The following TRIP12 variants were observed in gnomAD, a reference collection of about 807,000 sequenced individuals.
The protein encoded by TRIP12 is thyroid hormone receptor interactor 12, also known as E3 ubiquitin-protein ligase TRIP12.
Under a neutral mutation model 244.2 loss-of-function variants are expected in TRIP12, and 25 were observed. The ratio of observed to expected loss-of-function variants is 0.10; its 90% CI spans 0.07 to 0.14. The LOEUF (loss-of-function observed/expected upper bound fraction) is 0.14, where lower values mean the gene tolerates loss of function less well. Ranked by LOEUF, TRIP12 falls within the 10% of genes least tolerant of loss-of-function variation. The pLI is 1.00. For missense variants in TRIP12, 1,677 were observed against 2,486.4 expected (o/e 0.67, Z 6.92); for synonymous variants, 905 against 873.1 (o/e 1.04, Z -0.64).
intron 18 of TRIP12, among the ~76,000 whole-genome samples, chr2:229,805,215 C>T (rs2045553250): frequency 3.8e-5 from 1 of 26,042 alleles, no homozygotes; most frequent in African/African-American, 1.4e-4. Context: ...CTACCTGGCC[C>T]TTTTCAAAAC....
chr2:229,833,486 AC>A (rs1324105003), intron 6 of TRIP12, among the ~76,000 whole-genome samples: 1 of 152,090 alleles, frequency 6.6e-6, no homozygotes, highest in Non-Finnish European at 1.5e-5. Flanking sequence ...ACAGGGTTTC[AC>A]CATGTTGCCC....
intron 3 of TRIP12, among the ~76,000 whole-genome samples, chr2:229,859,963 C>T (rs753461173): frequency 3.3e-5 from 5 of 152,148 alleles, no homozygotes; most frequent in Non-Finnish European, 7.4e-5. Context: ...CATTAACATA[C>T]GCACTTTCAA....
At chr2:229,908,600 C>T (rs371632187) in intron 1 of TRIP12, among the ~76,000 whole-genome samples, 6 of 151,784 alleles carry the variant, frequency 4.0e-5, no homozygotes, top group East Asian at 3.9e-4. Flanking sequence ...GGCGTGGTGG[C>T]GGGCGCCTGT....
Position 229,769,336 on chromosome 2 carries a change from A to C in TRIP12, c.5809-11T>G, listed in dbSNP as rs777189568. 1.9e-6 allele frequency: 3 copies of C among 1,613,170 alleles called. No homozygotes were observed. Among genetic ancestry groups the C allele is most frequent in the Middle Eastern group, 1.6e-4 (1 of 6,082 alleles). On this transcript the variant is annotated splice_polypyrimidine_tract_variant and intron_variant, in intron 39 of 41. Coordinates refer to ENST00000675903, the MANE Select transcript of TRIP12 (RefSeq NM_001348323.3). ...AAGGAGCTGATCCAGCTGTGAGTTT[A>C]AATAAGGGTAAAAAGAATTACTAAG...
chr2:229,791,714 T>C, intron 29 of TRIP12, 152 bp downstream of exon 29: 1 of 756,798 alleles, frequency 1.3e-6, no homozygotes. Flanking sequence ...ATGCACCTTA[T>C]CAAATATTTG....
At position 229,778,731 on chromosome 2, in the gene TRIP12, C is replaced by T; in HGVS notation, c.5210-144G>A. 1 of 1,343,010 alleles carries T rather than the reference C, an allele frequency of 7.4e-7. No homozygotes were observed. The highest frequency in any genetic ancestry group is 1.0e-6 in the Non-Finnish European group (1 of 973,590). The allele number at this position is 1,343,010 out of a possible 1,614,324, so 83.2% of individuals were successfully genotyped here. On this transcript the variant is annotated intron_variant, in intron 35 of 41. Coordinates refer to ENST00000675903, the MANE Select transcript of TRIP12 (RefSeq NM_001348323.3). This position sits in a 1 kb window ranked among gnomAD's most constrained non-coding sequence, Gnocchi z 4.1. ...TGAAGTCCTCTAGAACTGGACAGGC[C>T]TTCCCTATTTGATAAATGAGAAAAC...
intron 1 of TRIP12, among the ~76,000 whole-genome samples, chr2:229,880,759 T>C (rs1472481278): frequency 6.6e-6 from 1 of 152,036 alleles, no homozygotes; most frequent in African/African-American, 2.4e-5. Flanking sequence ...GCCTGGTCAA[T>C]ATGATGAAAC....
chr2:229,922,325 A>C, upstream of TRIP12: 1 of 598,014 alleles, frequency 1.7e-6, no homozygotes, highest in East Asian at 2.9e-5. Flanking sequence ...GTCACCCGGG[A>C]CCTGGAGCTG....
At chr2:229,833,138 C>T (rs574851617) in intron 6 of TRIP12, among the ~76,000 whole-genome samples, 140 of 152,298 alleles carry the variant, frequency 9.2e-4, no homozygotes, top group African/African-American at 3.3e-3. Flanking sequence ...ATATTTTATT[C>T]TAACGACTTT....
intron 2 of TRIP12, among the ~76,000 whole-genome samples, chr2:229,870,901 C>T (rs756904061): frequency 2.0e-5 from 3 of 152,074 alleles, no homozygotes; most frequent in African/African-American, 4.8e-5. Flanking sequence ...CGGCTAGACA[C>T]GGTGGCTCAC....
intron 27 of TRIP12, among the ~76,000 whole-genome samples, chr2:229,792,736 A>C (rs2041868817): frequency 6.6e-6 from 1 of 152,200 alleles, no homozygotes; most frequent in East Asian, 1.9e-4. Flanking sequence ...ACAAAATGTC[A>C]TTTCTACTAC....
rs2031345798 is a variant in TRIP12 at position 229,765,000 on chromosome 2, T to C, written c.*2554A>G. The C allele has an allele frequency of 6.6e-6, 1 of 152,218 alleles. No individual in the cohort carries two copies. The allele number at this position is 152,218 out of a possible 1,614,324, so 9.4% of individuals were successfully genotyped here. A position where few individuals can be genotyped will look rare whatever the true frequency, so the allele number is the denominator to read the frequency against. On this transcript the variant is annotated 3_prime_UTR_variant, in exon 42 of 42. Coordinates refer to ENST00000675903, the MANE Select transcript of TRIP12 (RefSeq NM_001348323.3). ...TTTGGCTAAGGCATCTAAAACTCCGTGTCTGCTCCCAATTAGTCTACCTAG... is the reference window on the plus strand; with the variant it reads ...TTTGGCTAAGGCATCTAAAACTCCGCGTCTGCTCCCAATTAGTCTACCTAG...
Position 229,805,719 on chromosome 2 carries a change from A to T in TRIP12, c.2650+11T>A. 3 of 1,564,898 alleles carry T rather than the reference A, an allele frequency of 1.9e-6. No homozygotes were observed. Reference sequence around the variant, plus strand: ...ATAGTATAGTGCTATTTTAACTCAGAATGTACTTACTAGTGTTACTATTGG... The same window carrying T: ...ATAGTATAGTGCTATTTTAACTCAGTATGTACTTACTAGTGTTACTATTGG... On this transcript the variant is annotated intron_variant, in intron 18 of 41. Coordinates refer to ENST00000675903, the MANE Select transcript of TRIP12 (RefSeq NM_001348323.3).
chr2:229,802,555 A>C, intron 20 of TRIP12, 96 bp from the exon 21 acceptor site: 1 of 876,318 alleles, frequency 1.1e-6, no homozygotes, highest in Non-Finnish European at 1.7e-6. Context: ...CACTGACATA[A>C]TACACAAAAA....
intron 4 of TRIP12, among the ~76,000 whole-genome samples, chr2:229,853,564 C>T (rs1000623551): frequency 2.6e-5 from 4 of 151,926 alleles, no homozygotes; most frequent in African/African-American, 7.3e-5. Flanking sequence ...GGCTGAGACA[C>T]GAGAATCACT....
At chr2:229,913,032 T>C (rs960026203) in intron 1 of TRIP12, among the ~76,000 whole-genome samples, 3 of 152,114 alleles carry the variant, frequency 2.0e-5, no homozygotes, top group African/African-American at 4.8e-5. Flanking sequence ...TTATTTTTAG[T>C]AGAGATGATG....
At chr2:229,786,094 A>G (rs1172893558) in intron 33 of TRIP12, among the ~76,000 whole-genome samples, 1 of 152,220 alleles carries the variant, frequency 6.6e-6, no homozygotes, top group Non-Finnish European at 1.5e-5. Context: ...TCTTGTGGCC[A>G]TGGCAAGTTC....
At chr2:229,843,116 AC>A (rs1038361310) in intron 4 of TRIP12, among the ~76,000 whole-genome samples, 1 of 56,136 alleles carries the variant, frequency 1.8e-5, no homozygotes, top group African/African-American at 7.4e-5. Context: ...CTCTCTCCCC[AC>A]CCCCCTTTCC....
chr2:229,890,332 G>A (rs909863762), intron 1 of TRIP12, among the ~76,000 whole-genome samples: 1 of 151,830 alleles, frequency 6.6e-6, no homozygotes, highest in Non-Finnish European at 1.5e-5. Context: ...CGCCTGCCTC[G>A]GCCTCCATCC....
Sources: gnomAD v4.1 joint callset for allele counts (sites outside exome capture counted in the v4.1 genomes callset) on GRCh38, gnomAD v4.1.1 for gene constraint, Gnocchi (gnomAD v3.1) non-coding constraint, MANE v1.5 for transcripts, NCBI Gene and HGNC (gene_info 2026-07-23, HGNC 2026-07-21) for gene names.